Variants in PPP6R2 observed in about 807,000 individuals in gnomAD.
PPP6R2 encodes protein phosphatase 6 regulatory subunit 2.
A neutral mutation model predicts 100.2 loss-of-function variants in PPP6R2; 62 were observed. That is an observed-to-expected ratio of 0.62 (90% CI 0.50 to 0.76). PPP6R2 has a LOEUF of 0.76. Among genes scored for constraint, PPP6R2 ranks in the 30% least tolerant of loss-of-function variants. The pLI, the probability that PPP6R2 is intolerant of heterozygous loss-of-function variation, is 0.00. For synonymous variants in PPP6R2, 525 were observed against 514.7 expected (o/e 1.02, Z -0.27); for missense variants, 1,142 against 1,276.3 (o/e 0.89, Z 1.60).
At chr22:50,336,178 C>T in the PPP6R2 span, among the ~76,000 whole-genome samples, 6,429 of 150,166 alleles carry the variant, frequency 0.043, 474 homozygotes, top group African/African-American at 0.15. Context: ...TTAGTAGAGA[C>T]GCGGTTTCAC....
intron 12 of PPP6R2, among the ~76,000 whole-genome samples, chr22:50,434,268 C>T: frequency 1.5e-5 from 1 of 65,252 alleles, no homozygotes; most frequent in African/African-American, 6.0e-5. Flanking sequence ...TGGAGGTGAA[C>T]CTGGAGGAGG....
At chr22:50,419,841 A>T (rs919754778) in intron 8 of PPP6R2, among the ~76,000 whole-genome samples, 4 of 152,248 alleles carry the variant, frequency 2.6e-5, no homozygotes, top group Admixed American at 2.0e-4. Context: ...TTACATATAC[A>T]TGTGTTTATC....
chr22:50,337,911 AGTGTGTGTG>A, the PPP6R2 span, among the ~76,000 whole-genome samples: 7 of 61,760 alleles, frequency 1.1e-4, no homozygotes, highest in East Asian at 1.1e-3. Flanking sequence ...TGTGTGGTGT[AGTGTGTGTG>A]GTGTGTGGGG....
At chr22:50,414,227 G>A (rs1278601794) in intron 4 of PPP6R2, among the ~76,000 whole-genome samples, 10 of 149,718 alleles carry the variant, frequency 6.7e-5, no homozygotes, top group Non-Finnish European at 1.0e-4. Flanking sequence ...GGAAAAACCC[G>A]AACCAGTAGG....
Position 50,383,404 on chromosome 22 carries a change from AT to A in PPP6R2, c.-16-10484del, listed in dbSNP as rs2053540575. Among the ~76,000 whole-genome samples, 7 of 152,134 alleles carry A rather than the reference AT, an allele frequency of 4.6e-5. No homozygotes were observed. In the South Asian group the frequency reaches 1.5e-3, roughly 32 times the overall value. ...AATTGACTGTATTTTTTAGTTTTTA[AT>A]TTTTGTTTTTAGGGTTGCCCGTGTT... On this transcript the variant is annotated intron_variant, in intron 2 of 23. Coordinates refer to ENST00000612753, the MANE Select transcript of PPP6R2 (RefSeq NM_001242898.2).
chr22:50,416,636 T>A (rs2060576120), intron 6 of PPP6R2, among the ~76,000 whole-genome samples: 1 of 151,754 alleles, frequency 6.6e-6, no homozygotes. Context: ...TGGCCTACAC[T>A]TTTTTTTCTT....
rs192417871 is a variant in PPP6R2 at position 50,399,295 on chromosome 22, G to T, written c.227+5160G>T. Among the ~76,000 whole-genome samples the T allele has an allele frequency of 2.0e-5, 3 of 152,346 alleles. No homozygotes were observed. The East Asian group carries it at 5.8e-4, about 29-fold the overall frequency. Reference sequence around the variant, plus strand: ...AAAAGTCAGAGAGTAAATACTTTAGGCTTTGCAGGTTGTAAGGTCTCTGTT... The same window carrying T: ...AAAAGTCAGAGAGTAAATACTTTAGTCTTTGCAGGTTGTAAGGTCTCTGTT... On this transcript the variant is annotated intron_variant, in intron 3 of 23. Transcript: ENST00000612753.
chr22:50,352,074 C>T (rs553197723), intron 1 of PPP6R2, among the ~76,000 whole-genome samples: 16 of 151,970 alleles, frequency 1.1e-4, no homozygotes, highest in African/African-American at 7.2e-5. Context: ...GGATTACAGG[C>T]GTGAGCCACC....
intron 2 of PPP6R2, among the ~76,000 whole-genome samples, chr22:50,382,730 T>C (rs2053381749): frequency 6.6e-6 from 1 of 152,242 alleles, no homozygotes; most frequent in Non-Finnish European, 1.5e-5. Context: ...GAAAACTTAC[T>C]GTTATACCAG....
intron 1 of PPP6R2, among the ~76,000 whole-genome samples, chr22:50,351,026 G>GGTTTTTTTTTT (rs1386357403): frequency 5.0e-5 from 4 of 80,742 alleles, no homozygotes; most frequent in African/African-American, 1.5e-4. Flanking sequence ...TCTCAACAGT[G>GGTTTTTTTTTT]TTTTTTTTTT....
At position 50,443,958 on chromosome 22, in the gene PPP6R2, CTACTG is replaced by C; in HGVS notation, c.2674_2678del (p.Thr892GlyfsTer99). The C allele has an allele frequency of 6.2e-7, 1 of 1,611,632 alleles. No homozygotes were observed. Among genetic ancestry groups the C allele is most frequent in the Non-Finnish European group, 8.5e-7 (1 of 1,179,406 alleles). On this transcript the variant is annotated frameshift_variant, in exon 23 of 24. Transcript: ENST00000612753. LOFTEE classifies it high-confidence loss of function. ...CCAGCCGTGGCTGTGCCCCCCGAGG[CTACTG>C]TGGCCATCACCACAGCACTGAGCAA...
intron 12 of PPP6R2, among the ~76,000 whole-genome samples, chr22:50,434,233 C>T (rs2063706523): frequency 1.4e-5 from 1 of 73,658 alleles, no homozygotes; most frequent in Admixed American, 1.4e-4. Flanking sequence ...GGCATGGATG[C>T]TGGGCAGGGG....
rs190643066 is a variant in PPP6R2 at position 50,353,375 on chromosome 22, G to T, written c.-148+9825G>T. ...CAGGGAGTAGGGAGCCCTGAGGAGAGGGGGAGAGACTCAGGGAAATGGCCG... is the reference window on the plus strand; with the variant it reads ...CAGGGAGTAGGGAGCCCTGAGGAGATGGGGAGAGACTCAGGGAAATGGCCG... On this transcript the variant is annotated intron_variant, in intron 1 of 23. Transcript: ENST00000612753. Among the ~76,000 whole-genome samples, 4 of 152,284 alleles carry T rather than the reference G, an allele frequency of 2.6e-5. No homozygotes were observed. In the East Asian group the frequency reaches 7.7e-4, roughly 29 times the overall value.
intron 8 of PPP6R2, among the ~76,000 whole-genome samples, chr22:50,421,319 C>T (rs2061301785): frequency 6.6e-6 from 1 of 152,116 alleles, no homozygotes; most frequent in Non-Finnish European, 1.5e-5. Flanking sequence ...GATAAGCCAG[C>T]TGTTTCTCTT....
intron 2 of PPP6R2, among the ~76,000 whole-genome samples, chr22:50,383,755 G>A (rs1046575920): frequency 3.3e-5 from 5 of 152,156 alleles, no homozygotes; most frequent in African/African-American, 4.8e-5. Context: ...AAAAGGATGA[G>A]GCCAGGCGCA....
chr22:50,368,169 G>A (rs549766955), intron 1 of PPP6R2, among the ~76,000 whole-genome samples: 21 of 152,364 alleles, frequency 1.4e-4, no homozygotes, highest in African/African-American at 5.0e-4. Context: ...GACCAGGAGC[G>A]TGACCGCTGA....
At chr22:50,363,521 C>T (rs891573657) in intron 1 of PPP6R2, among the ~76,000 whole-genome samples, 3 of 152,164 alleles carry the variant, frequency 2.0e-5, no homozygotes, top group Non-Finnish European at 4.4e-5. Context: ...AAGCTTTTTC[C>T]GGAGGAAGAT....
At chr22:50,434,857 A>C in intron 12 of PPP6R2, 109 bp from the exon 13 acceptor site, 1 of 949,586 alleles carries the variant, frequency 1.1e-6, no homozygotes, top group Non-Finnish European at 1.6e-6. Flanking sequence ...GGGGCCGGGC[A>C]CTTGCTCTCC....
chr22:50,430,809 G>A (rs951329694), intron 10 of PPP6R2, among the ~76,000 whole-genome samples: 2 of 149,996 alleles, frequency 1.3e-5, no homozygotes, highest in African/African-American at 2.4e-5. Flanking sequence ...AGGAGGCAGG[G>A]GTTGCAGTGA....
Sources: allele counts gnomAD v4.1 joint callset (sites outside exome capture counted in the v4.1 genomes callset), GRCh38; gene constraint gnomAD v4.1.1; transcripts MANE v1.5; gene names NCBI Gene and HGNC (gene_info 2026-07-23, HGNC 2026-07-21).